TMX2: variants seen among roughly 807,000 people sequenced by gnomAD.
TMX2 encodes thioredoxin related transmembrane protein 2, also known as thioredoxin-related transmembrane protein 2.
A neutral mutation model predicts 33.4 loss-of-function variants in TMX2; 20 were observed. The observed-to-expected ratio is 0.60, with a 90% confidence interval of 0.42 to 0.87. The LOEUF (loss-of-function observed/expected upper bound fraction) is 0.87, where lower values mean the gene tolerates loss of function less well. TMX2 is among the 40% of genes least tolerant of loss of function. The probability of loss-of-function intolerance (pLI) is 0.00; values close to 1 mark genes in which losing one functional copy is unlikely to be tolerated. For synonymous variants in TMX2, 166 were observed against 140.7 expected (o/e 1.18, Z -1.27); for missense variants, 340 against 370.7 (o/e 0.92, Z 0.68).
intron 1 of TMX2, among the ~76,000 whole-genome samples, chr11:57,720,644 C>T (rs777660808): frequency 4.7e-4 from 72 of 152,344 alleles, no homozygotes; most frequent in Middle Eastern, 3.4e-3. Flanking sequence ...GCCATCCGCC[C>T]GCTTTGGCCT....
At chr11:57,716,403 C>A (rs1947042967) in intron 1 of TMX2, among the ~76,000 whole-genome samples, 1 of 122,290 alleles carries the variant, frequency 8.2e-6, no homozygotes, top group South Asian at 2.7e-4. Flanking sequence ...CTGACCCCCC[C>A]ACCTCCCTCC....
intron 1 of TMX2, among the ~76,000 whole-genome samples, chr11:57,719,037 T>A (rs201393933): frequency 0.026 from 3,549 of 134,044 alleles, 73 homozygotes; most frequent in Admixed American, 0.094. Context: ...ATATATATTT[T>A]TTTTTTTTTT....
chr11:57,717,777 G>A (rs570544641), intron 1 of TMX2, among the ~76,000 whole-genome samples: 8 of 149,506 alleles, frequency 5.4e-5, no homozygotes, highest in African/African-American at 1.7e-4. Context: ...CAGAGGCAGA[G>A]GCCAGAATTT....
Position 57,712,808 on chromosome 11 carries a change from G to T in TMX2, c.189+1G>T. ...CGGTAACCCGTGTGACTTTGACTGG[G>T]TGAGCCTCCCGCGTGTTAGTACCCC... On this transcript the variant is annotated splice_donor_variant, in intron 1 of 7. Transcript: ENST00000278422. LOFTEE classifies it high-confidence loss of function. The T allele has an allele frequency of 6.2e-7, 1 of 1,613,958 alleles. No individual in the cohort carries two copies.
intron 1 of TMX2, among the ~76,000 whole-genome samples, chr11:57,722,207 G>A (rs1037805000): frequency 2.0e-5 from 3 of 152,082 alleles, no homozygotes; most frequent in Admixed American, 1.3e-4. Context: ...TCACTGTGTT[G>A]CCCAGGCTGG....
chr11:57,730,251 A>G (rs1226536146), intron 1 of TMX2, among the ~76,000 whole-genome samples: 1 of 150,104 alleles, frequency 6.7e-6, no homozygotes, highest in Non-Finnish European at 1.5e-5. Flanking sequence ...ACATGGTGAA[A>G]CCCCTTCTCT....
intron 1 of TMX2, among the ~76,000 whole-genome samples, chr11:57,730,621 C>T (rs1948314537): frequency 6.6e-6 from 1 of 151,390 alleles, no homozygotes; most frequent in East Asian, 1.9e-4. Context: ...GCCTGTAATC[C>T]CAACTACTCG....
chr11:57,731,089 T>C (rs1428402862), intron 1 of TMX2, among the ~76,000 whole-genome samples: 1 of 151,486 alleles, frequency 6.6e-6, no homozygotes, highest in African/African-American at 2.4e-5. Context: ...CAGATTGATA[T>C]CTTAAAAGTG....
chr11:57,740,036 C>A (rs1366590797), intron 7 of TMX2, 63 bp from the exon 8 acceptor site: 12 of 1,607,994 alleles, frequency 7.5e-6, no homozygotes, highest in Non-Finnish European at 1.0e-5. Context: ...ATACCTCTTA[C>A]TTCCCAGGCT....
chr11:57,731,675 A>G (rs1948419668), intron 1 of TMX2, among the ~76,000 whole-genome samples: 1 of 152,036 alleles, frequency 6.6e-6, no homozygotes, highest in Non-Finnish European at 1.5e-5. Flanking sequence ...TCACCCAAAA[A>G]TAAGGCCTCC....
intron 1 of TMX2, among the ~76,000 whole-genome samples, chr11:57,719,028 TATA>T (rs1490936333): frequency 5.0e-5 from 5 of 100,174 alleles, no homozygotes; most frequent in African/African-American, 6.9e-5. Flanking sequence ...GCCATATATA[TATA>T]TATTTTTTTT....
At chr11:57,726,405 T>C (rs975455589) in intron 1 of TMX2, among the ~76,000 whole-genome samples, 2 of 151,796 alleles carry the variant, frequency 1.3e-5, no homozygotes, top group African/African-American at 2.4e-5. Flanking sequence ...AGAGCCAGAC[T>C]CCATCTCCAT....
At chr11:57,731,132 T>TTG (rs1948370323) in intron 1 of TMX2, among the ~76,000 whole-genome samples, 1 of 31,358 alleles carries the variant, frequency 3.2e-5, no homozygotes, top group African/African-American at 1.4e-4. Flanking sequence ...TTTGTTTTTT[T>TTG]TTTTTTTTTT....
chr11:57,715,162 G>A (rs1279150782), intron 1 of TMX2, among the ~76,000 whole-genome samples: 1 of 152,144 alleles, frequency 6.6e-6, no homozygotes, highest in Non-Finnish European at 1.5e-5. Context: ...CACTTTGGGA[G>A]GCTGAGGCGG....
In TMX2 at chr11:57,719,682, A is replaced by G. The variant is rs141397222; in HGVS notation, c.189+6875A>G. 3.4e-4 allele frequency among the ~76,000 whole-genome samples: 51 copies of G among 151,744 alleles called. 1 individual carries two copies. In the East Asian group the frequency reaches 9.7e-3, roughly 29 times the overall value. On this transcript the variant is annotated intron_variant, in intron 1 of 7. Transcript: ENST00000278422. ...TAGGTGCACACCACCACGCCCGGCT[A>G]ATTTTTGTATTTTTTGTAGAGATGG... is the stretch of plus-strand genomic sequence containing the variant.
At chr11:57,718,704 G>A (rs1947348022) in intron 1 of TMX2, among the ~76,000 whole-genome samples, 1 of 142,764 alleles carries the variant, frequency 7.0e-6, no homozygotes, top group Non-Finnish European at 1.5e-5. Context: ...TGCCCAGGCT[G>A]GAGTTCAGTG....
intron 1 of TMX2, among the ~76,000 whole-genome samples, chr11:57,719,371 C>T (rs902323529): frequency 4.0e-5 from 6 of 151,334 alleles, no homozygotes; most frequent in Non-Finnish European, 8.8e-5. Context: ...TGCTTTTTCT[C>T]TTTTGGATCT....
At chr11:57,716,078 G>A (rs929527229) in intron 1 of TMX2, among the ~76,000 whole-genome samples, 1 of 152,024 alleles carries the variant, frequency 6.6e-6, no homozygotes, top group Non-Finnish European at 1.5e-5. Context: ...ATCCCGGCCC[G>A]TTCTCAATGA....
In TMX2 at chr11:57,739,256, C is replaced by G. The variant is rs1256182395; in HGVS notation, c.740C>G (p.Ser247Cys). The G allele has an allele frequency of 3.1e-6, 5 of 1,613,998 alleles. No individual in the cohort carries two copies. Among genetic ancestry groups the G allele is most frequent in the Non-Finnish European group, 4.2e-6 (5 of 1,180,044 alleles). Residue 247 changes from serine (S) to cysteine (C), a missense_variant, in exon 7 of 8, where the codon TCT becomes TGT. Ser to Cys is a moderately radical substitution (Grantham distance 112, BLOSUM62 -1). Transcript: ENST00000278422. ...KKGRAVSWTF[S>C]EENVIREFNL... ...GGACGGGCTGTCTCATGGACCTTCT[C>G]TGAGGTACCTGAAAGGAAGGGCAGG... is the stretch of plus-strand genomic sequence containing the variant.
Sources: gnomAD v4.1 joint callset for allele counts (sites outside exome capture counted in the v4.1 genomes callset) on GRCh38, gnomAD v4.1.1 for gene constraint, MANE v1.5 for transcripts, NCBI Gene and HGNC (gene_info 2026-07-23, HGNC 2026-07-21) for gene names.